The following ARHGAP44 variants were observed in gnomAD, a reference collection of about 807,000 sequenced individuals.
The protein encoded by ARHGAP44 is rho GTPase-activating protein 44.
Under a neutral mutation model 106.8 loss-of-function variants are expected in ARHGAP44, and 43 were observed. The observed-to-expected ratio is 0.40, with a 90% CI of 0.32 to 0.52. The LOEUF is 0.52. Among genes scored for constraint, ARHGAP44 ranks in the 20% least tolerant of loss-of-function variants. ARHGAP44 has a pLI of 0.48. For synonymous variants in ARHGAP44, 439 were observed against 410.3 expected (o/e 1.07, Z -0.85); for missense variants, 866 against 1,050.5 (o/e 0.82, Z 2.43).
intron 7 of ARHGAP44, 165 bp downstream of exon 7, chr17:12,929,211 C>T (rs1693904645): frequency 1.7e-6 from 1 of 572,324 alleles, no homozygotes; most frequent in African/African-American, 1.9e-5. Context: ...AGGATGAACC[C>T]AAGGAGTTGG....
chr17:12,946,266 G>A (rs2038848882), intron 10 of ARHGAP44, among the ~76,000 whole-genome samples: 1 of 151,940 alleles, frequency 6.6e-6, no homozygotes, highest in Non-Finnish European at 1.5e-5. Flanking sequence ...CCCCTGCCTT[G>A]GATATTTTGA....
At chr17:12,920,001 G>A (rs2038027926) in intron 6 of ARHGAP44, among the ~76,000 whole-genome samples, 170 bp downstream of exon 6, 1 of 152,174 alleles carries the variant, frequency 6.6e-6, no homozygotes, top group Non-Finnish European at 1.5e-5. Context: ...CTGGGTCCCT[G>A]TTCTCATGAA....
intron 1 of ARHGAP44, among the ~76,000 whole-genome samples, chr17:12,802,951 ATATATATATATATATATAT>A (rs1211357681): frequency 0.027 from 534 of 19,848 alleles, 27 homozygotes; most frequent in African/African-American, 0.21. Context: ...ATATATATAT[ATATATATATATATATATAT>A]TTTTTTTTTT....
intron 1 of ARHGAP44, among the ~76,000 whole-genome samples, chr17:12,863,103 C>T (rs1220369546): frequency 6.6e-6 from 1 of 151,870 alleles, no homozygotes; most frequent in Non-Finnish European, 1.5e-5. Flanking sequence ...GCCTGGGCAA[C>T]AAAGTGAGAC....
At chr17:12,821,438 A>G (rs1020303514) in intron 1 of ARHGAP44, among the ~76,000 whole-genome samples, 2 of 152,194 alleles carry the variant, frequency 1.3e-5, no homozygotes, top group Non-Finnish European at 2.9e-5. Flanking sequence ...GGCTTCATAT[A>G]TGCAGCTCTT....
At chr17:12,861,227 C>T (rs910188103) in intron 1 of ARHGAP44, among the ~76,000 whole-genome samples, 10 of 151,786 alleles carry the variant, frequency 6.6e-5, no homozygotes, top group Non-Finnish European at 1.3e-4. Flanking sequence ...TGAGCTCAAG[C>T]GATCTGCCTA....
chr17:12,989,889 C>G, intron 20 of ARHGAP44, 143 bp from the exon 21 acceptor site: 5 of 1,246,828 alleles, frequency 4.0e-6, no homozygotes, highest in Non-Finnish European at 5.6e-6. Flanking sequence ...CTGTGCAACA[C>G]AATGCTTAAA....
intron 6 of ARHGAP44, among the ~76,000 whole-genome samples, chr17:12,926,499 GTATA>G (rs1014674648): frequency 7.2e-6 from 1 of 138,840 alleles, no homozygotes; most frequent in African/African-American, 2.6e-5. Context: ...TATAATATAT[GTATA>G]TATATTATAT....
chr17:12,850,669 CT>C (rs1370694598), intron 1 of ARHGAP44, among the ~76,000 whole-genome samples: 1 of 152,170 alleles, frequency 6.6e-6, no homozygotes, highest in Non-Finnish European at 1.5e-5. Context: ...TGATCTCCCG[CT>C]GATGTCCACC....
At chr17:12,838,384 A>C (rs1175386218) in intron 1 of ARHGAP44, among the ~76,000 whole-genome samples, 2 of 152,188 alleles carry the variant, frequency 1.3e-5, no homozygotes, top group Non-Finnish European at 1.5e-5. Flanking sequence ...GGTTTTGACT[A>C]TTTCAGATGT....
At chr17:12,873,100 G>A (rs2036450191) in intron 1 of ARHGAP44, among the ~76,000 whole-genome samples, 2 of 148,146 alleles carry the variant, frequency 1.4e-5, no homozygotes, top group South Asian at 4.3e-4. Context: ...AGCTTTTGGC[G>A]GCTGCTTTGC....
chr17:12,923,963 A>G (rs762631415), intron 6 of ARHGAP44, among the ~76,000 whole-genome samples: 2 of 152,176 alleles, frequency 1.3e-5, no homozygotes, highest in Non-Finnish European at 2.9e-5. Flanking sequence ...GCATTTCTCC[A>G]TAAAGCCAAT....
intron 1 of ARHGAP44, among the ~76,000 whole-genome samples, chr17:12,827,993 T>C (rs149424356): frequency 0.02 from 2,743 of 135,944 alleles, 81 homozygotes; most frequent in African/African-American, 0.071. Flanking sequence ...GCTGAGATCG[T>C]GCCACTGCTC....
At chr17:12,903,113 A>AGAGAGAGAGAG (rs1567677627) in intron 3 of ARHGAP44, among the ~76,000 whole-genome samples, 1 of 75,786 alleles carries the variant, frequency 1.3e-5, no homozygotes, top group African/African-American at 5.7e-5. Context: ...AGAGAGAGAG[A>AGAGAGAGAGAG]GAGAGAGAGA....
intron 1 of ARHGAP44, among the ~76,000 whole-genome samples, chr17:12,803,470 A>G (rs1256167319): frequency 1.3e-5 from 2 of 151,924 alleles, no homozygotes; most frequent in Non-Finnish European, 2.9e-5. Flanking sequence ...TCCCTGAATT[A>G]TATTTTATCT....
At chr17:12,983,881 C>T (rs147669742) in intron 19 of ARHGAP44, among the ~76,000 whole-genome samples, 227 of 152,222 alleles carry the variant, frequency 1.5e-3, no homozygotes, top group African/African-American at 5.1e-3. Context: ...CTTAGACCAG[C>T]GGGTACAATT....
chr17:12,894,308 G>GAGA (rs141952300), intron 1 of ARHGAP44, among the ~76,000 whole-genome samples: 11 of 147,922 alleles, frequency 7.4e-5, no homozygotes, highest in African/African-American at 2.5e-4. Context: ...AAAGAGAGGG[G>GAGA]GAGAGAGAGA....
intron 6 of ARHGAP44, among the ~76,000 whole-genome samples, chr17:12,922,782 A>G (rs976322026): frequency 1.3e-5 from 2 of 152,056 alleles, no homozygotes; most frequent in Non-Finnish European, 2.9e-5. Flanking sequence ...TATTTTTAGT[A>G]TAGACGGGGT....
intron 16 of ARHGAP44, among the ~76,000 whole-genome samples, chr17:12,965,700 C>T (rs868550872): frequency 3.9e-5 from 6 of 152,190 alleles, no homozygotes; most frequent in African/African-American, 1.4e-4. Context: ...TGTTACAAGG[C>T]ACAGACCTCC....
Sources: allele counts gnomAD v4.1 joint callset (sites outside exome capture counted in the v4.1 genomes callset), GRCh38; gene constraint gnomAD v4.1.1; transcripts MANE v1.5; gene names NCBI Gene and HGNC (gene_info 2026-07-23, HGNC 2026-07-21).